The following ASRGL1 variants were observed in gnomAD, a reference collection of about 807,000 sequenced individuals.
ASRGL1 encodes asparaginase and isoaspartyl peptidase 1.
ASRGL1 carries 16 observed loss-of-function variants against 22.4 expected under a neutral mutation model. The observed-to-expected ratio is 0.71, with a 90% CI of 0.48 to 1.08. The LOEUF is 1.08. Ranked by LOEUF, ASRGL1 falls within the 50% of genes least tolerant of loss-of-function variation. The pLI is 0.00. For synonymous variants in ASRGL1, 165 were observed against 159.3 expected (o/e 1.04, Z -0.27); for missense variants, 412 against 410.1 (o/e 1.00, Z -0.04).
At chr11:62,361,928 G>A (rs1050253365) in intron 4 of ASRGL1, among the ~76,000 whole-genome samples, 1 of 152,100 alleles carries the variant, frequency 6.6e-6, no homozygotes, top group Non-Finnish European at 1.5e-5. Flanking sequence ...CCTCCTTAAA[G>A]TGTGATTTTT....
At chr11:62,367,200 T>C (rs1290268195) in intron 4 of ASRGL1, among the ~76,000 whole-genome samples, 1 of 151,704 alleles carries the variant, frequency 6.6e-6, no homozygotes, top group Non-Finnish European at 1.5e-5. Flanking sequence ...TAGCCGGGCA[T>C]GGTGGTAGGT....
intron 2 of ASRGL1, among the ~76,000 whole-genome samples, chr11:62,347,084 T>A (rs946358442): frequency 2.6e-5 from 4 of 152,212 alleles, no homozygotes; most frequent in Admixed American, 2.0e-4. Flanking sequence ...TGTTTTAATG[T>A]AACTTCTGAG....
At chr11:62,357,461 C>T (rs7125465) in intron 4 of ASRGL1, among the ~76,000 whole-genome samples, 136 of 142,414 alleles carry the variant, frequency 9.5e-4, no homozygotes, top group African/African-American at 3.4e-3. Context: ...GGGGTTTCGC[C>T]GTGTTGGCCA....
At chr11:62,398,513 C>T in the ASRGL1 span, among the ~76,000 whole-genome samples, 3 of 152,246 alleles carry the variant, frequency 2.0e-5, no homozygotes, top group African/African-American at 7.2e-5. Context: ...ACCACATTCC[C>T]TGGCTACCCA....
Position 62,385,592 on chromosome 11 carries a change from T to C in ASRGL1, c.492-3541T>C, listed in dbSNP as rs537378745. Among the ~76,000 whole-genome samples the C allele has an allele frequency of 4.6e-3, 703 of 152,344 alleles. 10 individuals carry two copies. The highest frequency in any genetic ancestry group is 0.016 in the African/African-American group (673 of 41,582). On this transcript the variant is annotated intron_variant, in intron 4 of 6. Transcript: ENST00000415229. ...ACATAAAAGATTTTAGGGCCAGGCG[T>C]GGTGCCTCACGCCTGTAATCCCAGC... is the stretch of plus-strand genomic sequence containing the variant.
chr11:62,399,974 C>T, the ASRGL1 span, among the ~76,000 whole-genome samples: 9 of 152,218 alleles, frequency 5.9e-5, no homozygotes, highest in African/African-American at 1.4e-4. Flanking sequence ...CCACCTCCTT[C>T]CCTGAACTCT....
chr11:62,382,996 A>AAGAATTTTTCTTAGTACAGAACAAAAT (rs1947111203), intron 4 of ASRGL1: 1 of 152,356 alleles, frequency 6.6e-6, no homozygotes, highest in East Asian at 1.9e-4. Flanking sequence ...CTCAAGGCAG[A>AAGAATTTTTCTTAGTACAGAACAAAAT]AGAATTTTTC....
At chr11:62,364,247 G>GTCTT (rs1421047310) in intron 4 of ASRGL1, among the ~76,000 whole-genome samples, 3 of 150,476 alleles carry the variant, frequency 2.0e-5, no homozygotes, top group Non-Finnish European at 4.4e-5. Context: ...TATTAAATGT[G>GTCTT]TGTGTGTGCG....
intron 4 of ASRGL1, among the ~76,000 whole-genome samples, chr11:62,367,609 A>G (rs1946645877): frequency 1.3e-5 from 2 of 151,230 alleles, no homozygotes; most frequent in Admixed American, 1.3e-4. Flanking sequence ...ACACCATTGC[A>G]CTCCAGCCTG....
intron 2 of ASRGL1, among the ~76,000 whole-genome samples, chr11:62,350,312 C>T (rs1946139549): frequency 6.6e-6 from 1 of 152,040 alleles, no homozygotes; most frequent in Non-Finnish European, 1.5e-5. Flanking sequence ...ATAGTTGTAC[C>T]ACAGTTTATT....
chr11:62,398,690 A>G, the ASRGL1 span, among the ~76,000 whole-genome samples: 2 of 152,030 alleles, frequency 1.3e-5, no homozygotes, highest in Non-Finnish European at 2.9e-5. Context: ...GCGGCGGCTC[A>G]TTGCAGGCCG....
At chr11:62,350,223 C>T (rs573963581) in intron 2 of ASRGL1, among the ~76,000 whole-genome samples, 1 of 152,140 alleles carries the variant, frequency 6.6e-6, no homozygotes, top group Non-Finnish European at 1.5e-5. Context: ...TTTTCTCATT[C>T]AGCATTTTTG....
At chr11:62,371,388 G>A in intron 4 of ASRGL1, 1 of 634,012 alleles carries the variant, frequency 1.6e-6, no homozygotes, top group Non-Finnish European at 2.6e-6. Flanking sequence ...CGGCTGTGGT[G>A]GTCGCCGAAC....
chr11:62,344,567 T>G (rs2134574961), intron 2 of ASRGL1, among the ~76,000 whole-genome samples: 1 of 152,064 alleles, frequency 6.6e-6, no homozygotes, highest in South Asian at 2.1e-4. Flanking sequence ...TTGTATACGA[T>G]GCAAGGTATA....
At chr11:62,386,341 G>C (rs1947199891) in intron 4 of ASRGL1, among the ~76,000 whole-genome samples, 1 of 93,760 alleles carries the variant, frequency 1.1e-5, no homozygotes, top group Non-Finnish European at 2.7e-5. Context: ...TTTTGAGAAA[G>C]AGACCACATT....
At chr11:62,390,227 A>T (rs1243528902) in intron 5 of ASRGL1, among the ~76,000 whole-genome samples, 5 of 152,244 alleles carry the variant, frequency 3.3e-5, no homozygotes, top group African/African-American at 1.2e-4. Context: ...AATTAATTTT[A>T]AGCTTGAGTT....
At chr11:62,374,388 G>A (rs1946859476) in intron 4 of ASRGL1, among the ~76,000 whole-genome samples, 2 of 152,128 alleles carry the variant, frequency 1.3e-5, no homozygotes. Flanking sequence ...CAACAGCTGG[G>A]GCTGGGGCTC....
rs1377090907 is a variant in ASRGL1, at chr11:62,361,561, C to T, written c.491+4417C>T. Among the ~76,000 whole-genome samples, 4 of 146,082 alleles carry T rather than the reference C, an allele frequency of 2.7e-5. No homozygotes were observed. In the East Asian group the frequency reaches 8.2e-4, roughly 30 times the overall value. ...GGAGTGCAGTGGTACAATCTCGGCT[C>T]ACTGCAACCTCCGCCTCCCAGGTTC... On this transcript the variant is annotated intron_variant, in intron 4 of 6. Transcript: ENST00000415229.
At chr11:62,373,043 G>A in intron 4 of ASRGL1, 4 of 1,386,526 alleles carry the variant, frequency 2.9e-6, no homozygotes, top group Non-Finnish European at 4.1e-6. Flanking sequence ...AGGAGGTGAA[G>A]ACTCTGCATG....
Sources: allele counts gnomAD v4.1 joint callset (sites outside exome capture counted in the v4.1 genomes callset), GRCh38; gene constraint gnomAD v4.1.1; transcripts MANE v1.5; gene names NCBI Gene and HGNC (gene_info 2026-07-23, HGNC 2026-07-21).